PCDHGA4: variants seen among roughly 807,000 people sequenced by gnomAD.
The protein encoded by PCDHGA4 is protocadherin gamma subfamily A, 4, also known as protocadherin gamma-A4.
PCDHGA4 carries 38 observed loss-of-function variants against 54.6 expected under a neutral mutation model. The ratio of observed to expected loss-of-function variants is 0.70; its 90% CI spans 0.54 to 0.91. PCDHGA4 has a LOEUF of 0.91. Ranked by LOEUF, PCDHGA4 falls within the 40% of genes least tolerant of loss-of-function variation. The probability of loss-of-function intolerance (pLI) is 0.00; values close to 1 mark genes in which losing one functional copy is unlikely to be tolerated. For missense variants in PCDHGA4, 1,298 were observed against 1,220.9 expected (o/e 1.06, Z -0.94); for synonymous variants, 511 against 512.9 (o/e 1.00, Z 0.05).
At chr5:141,383,426 G>A (rs72790024) in intron 1 of PCDHGA4, 89,880 of 1,613,866 alleles carry the variant, frequency 0.056, 3,017 homozygotes, top group African/African-American at 0.15. Context: ...AGCCCCAATC[G>A]CCACTTCTCC....
chr5:141,463,438 CTTTTTTTTTT>C (rs71576115), intron 1 of PCDHGA4, among the ~76,000 whole-genome samples: 6 of 103,254 alleles, frequency 5.8e-5, no homozygotes, highest in Non-Finnish European at 9.4e-5. Flanking sequence ...TTTCCTTCTC[CTTTTTTTTTT>C]TTTTTTTTTT....
chr5:141,398,165 G>A (rs574512663), intron 1 of PCDHGA4: 4 of 1,479,272 alleles, frequency 2.7e-6, no homozygotes, highest in South Asian at 2.8e-5. Context: ...CGGGCTGAGA[G>A]GCTGCCAGTG....
chr5:141,476,966 G>A lies in PCDHGA4; in HGVS notation c.2515-17841G>A. ...CAACGGTGAAATTATTTACTCCTTC[G>A]GCAGCCACAACCGCGCCGGCGTGCG... On this transcript the variant is annotated intron_variant, in intron 1 of 3. Transcript: ENST00000571252. This position sits in a 1 kb window ranked among gnomAD's most constrained non-coding sequence, Gnocchi z 7.6. 1 of 1,614,152 alleles carries A rather than the reference G, an allele frequency of 6.2e-7. No individual in the cohort carries two copies. The highest frequency in any genetic ancestry group is 8.5e-7 in the Non-Finnish European group (1 of 1,180,032).
intron 1 of PCDHGA4, chr5:141,364,259 C>CA: frequency 6.7e-7 from 1 of 1,498,884 alleles, no homozygotes; most frequent in Non-Finnish European, 8.9e-7. Flanking sequence ...AATATGTACC[C>CA]ATCGGCTTTA....
chr5:141,379,154 T>A (rs1446393150), intron 1 of PCDHGA4: 4 of 152,232 alleles, frequency 2.6e-5, no homozygotes, highest in Non-Finnish European at 5.9e-5. Context: ...GTAACCTGAC[T>A]TTGTCAGTCT....
At chr5:141,488,620 C>A (rs1271344928) in intron 1 of PCDHGA4, among the ~76,000 whole-genome samples, 1 of 152,164 alleles carries the variant, frequency 6.6e-6, no homozygotes, top group East Asian at 1.9e-4. Context: ...CTAATCTTTT[C>A]TCTCACCTTA....
intron 1 of PCDHGA4, chr5:141,388,015 G>A (rs2091197688): frequency 6.8e-7 from 1 of 1,467,954 alleles, no homozygotes; most frequent in South Asian, 1.3e-5. Context: ...ATGCCCAAGG[G>A]CTCCGTAGTG....
Position 141,355,815 on chromosome 5 carries a change from G to A in PCDHGA4, c.708G>A (p.Glu236=), listed in dbSNP as rs377468694. The A allele has an allele frequency of 5.0e-6, 8 of 1,613,094 alleles. No individual in the cohort carries two copies. The highest frequency in any genetic ancestry group is 2.2e-5 in the South Asian group (2 of 90,966). ...AACGCGCTCTAGATCGCGAGGAAGA[G>A]GCGGTTCACCACCTCGTTCTCACGG... The part of the protein sequence containing the change: ...VLERALDREE[E]AVHHLVLTAF... The change falls in exon 1 of 4, where the codon GAG becomes GAA. Residue 236 remains glutamate (E), a synonymous_variant. Transcript: ENST00000571252.
intron 1 of PCDHGA4, among the ~76,000 whole-genome samples, chr5:141,407,092 T>C (rs917246877): frequency 1.3e-5 from 2 of 152,360 alleles, no homozygotes; most frequent in Admixed American, 6.5e-5. Context: ...AGAATTGTTT[T>C]ATTTGTTTGT....
chr5:141,486,421 G>A lies in PCDHGA4; in HGVS notation c.2515-8386G>A, dbSNP rs772631503. ...TGACTGCTGGACCCTTGGATCGAGA[G>A]GCCAAATCTAGCTATGACATCATGG... On this transcript the variant is annotated intron_variant, in intron 1 of 3. Coordinates refer to ENST00000571252, the MANE Select transcript of PCDHGA4 (RefSeq NM_018917.4). This position sits in a 1 kb window ranked among gnomAD's most constrained non-coding sequence, Gnocchi z 5.0. 2.5e-6 allele frequency: 4 copies of A among 1,614,152 alleles called. No homozygotes were observed. In the East Asian group the frequency reaches 6.7e-5, roughly 27 times the overall value.
chr5:141,421,255 C>T lies in PCDHGA4; in HGVS notation c.2514+63634C>T, dbSNP rs759899934. On this transcript the variant is annotated intron_variant, in intron 1 of 3. Coordinates refer to ENST00000571252, the MANE Select transcript of PCDHGA4 (RefSeq NM_018917.4). ...GGCGAATCGGCTACAGCGCGGGGAC[C>T]GCAGTCGGCTGCTGCTGCTGCTGTG... 5.2e-5 allele frequency: 84 copies of T among 1,607,644 alleles called. No individual in the cohort carries two copies. Among genetic ancestry groups the T allele is most frequent in the Non-Finnish European group, 6.8e-5 (80 of 1,177,916 alleles).
At chr5:141,416,722 A>C (rs891558095) in intron 1 of PCDHGA4, 3 of 152,258 alleles carry the variant, frequency 2.0e-5, no homozygotes, top group African/African-American at 7.2e-5. Context: ...TGATGAGTTC[A>C]TTTAGTTCAA....
intron 1 of PCDHGA4, chr5:141,415,585 C>T: frequency 6.2e-7 from 1 of 1,613,900 alleles, no homozygotes; most frequent in Non-Finnish European, 8.5e-7. Context: ...TTCGAAGTTT[C>T]CTATAGAGGA....
intron 1 of PCDHGA4, chr5:141,478,700 C>A: frequency 1.3e-6 from 2 of 1,549,172 alleles, no homozygotes; most frequent in Non-Finnish European, 1.7e-6. Flanking sequence ...AAAGTTAGTG[C>A]CTTTGTGAGA....
intron 1 of PCDHGA4, chr5:141,399,420 C>T (rs1257006819): frequency 1.9e-6 from 3 of 1,614,034 alleles, no homozygotes; most frequent in Non-Finnish European, 2.5e-6. Flanking sequence ...TCTCCTCCAG[C>T]ATAAGCGTCA....
Position 141,400,574 on chromosome 5 carries a change from T to A in PCDHGA4, c.2514+42953T>A, listed in dbSNP as rs1589419530. On this transcript the variant is annotated intron_variant, in intron 1 of 3. Transcript: ENST00000571252. ...TTTTCATTACCCACCCAATTTTCTG[T>A]ATTTACATGAAACTATCGTACATTT... 3 of 1,612,232 alleles carry A rather than the reference T, an allele frequency of 1.9e-6. No individual in the cohort carries two copies. In the Middle Eastern group the frequency reaches 4.9e-4, roughly 266 times the overall value.
chr5:141,383,698 A>G lies in PCDHGA4; in HGVS notation c.2514+26077A>G, dbSNP rs376903516. 5.0e-6 allele frequency: 8 copies of G among 1,614,026 alleles called. No homozygotes were observed. Among genetic ancestry groups the G allele is most frequent in the South Asian group, 1.1e-5 (1 of 91,088 alleles). On this transcript the variant is annotated intron_variant, in intron 1 of 3. Transcript: ENST00000571252. ...TACAAGACTGCTCACGGTACATGCTATCGACCTGGACGAGGGAGTCAATGG... is the reference window on the plus strand; with the variant it reads ...TACAAGACTGCTCACGGTACATGCTGTCGACCTGGACGAGGGAGTCAATGG...
At chr5:141,422,301 G>A (rs777697738) in intron 1 of PCDHGA4, 36 of 1,549,184 alleles carry the variant, frequency 2.3e-5, no homozygotes, top group Non-Finnish European at 3.1e-5. Flanking sequence ...ATTCAATTCT[G>A]GAAAACTCTC....
intron 1 of PCDHGA4, among the ~76,000 whole-genome samples, chr5:141,467,404 C>T (rs1032912609): frequency 1.3e-5 from 2 of 151,864 alleles, no homozygotes; most frequent in African/African-American, 4.8e-5. Context: ...AGTTAGAAAG[C>T]CTTTCCCCAC....
Sources: allele counts gnomAD v4.1 joint callset (sites outside exome capture counted in the v4.1 genomes callset), GRCh38; gene constraint gnomAD v4.1.1; non-coding constraint Gnocchi (gnomAD v3.1); transcripts MANE v1.5; gene names NCBI Gene and HGNC (gene_info 2026-07-23, HGNC 2026-07-21).